PPP3CC: variants seen among roughly 807,000 people sequenced by gnomAD.
PPP3CC encodes serine/threonine-protein phosphatase 2B catalytic subunit gamma isoform.
In PPP3CC, 35 loss-of-function variants were observed where a neutral mutation model predicts 60.3. The observed-to-expected ratio is 0.58, with a 90% CI of 0.44 to 0.77. The LOEUF is 0.77. Among genes scored for constraint, PPP3CC ranks in the 30% least tolerant of loss-of-function variants. PPP3CC has a pLI of 0.00. For synonymous variants in PPP3CC, 206 were observed against 224.3 expected, an observed-to-expected ratio of 0.92 and a Z score of 0.73; for missense variants, 570 against 628.9, an observed-to-expected ratio of 0.91 and a Z score of 1.00.
At chr8:22,492,431 A>G (rs948923573) in intron 3 of PPP3CC, among the ~76,000 whole-genome samples, 1 of 152,112 alleles carries the variant, frequency 6.6e-6, no homozygotes, top group African/African-American at 2.4e-5. Flanking sequence ...ATTAAAAAGT[A>G]TTTTTCCTTC....
At position 22,531,291 on chromosome 8, in the gene PPP3CC, T is replaced by G. The variant is rs569063996; in HGVS notation, c.1142-934T>G. On this transcript the variant is annotated intron_variant, in intron 10 of 13. Coordinates refer to ENST00000240139, the MANE Select transcript of PPP3CC (RefSeq NM_005605.5). ...CATCTCCTTGTTTCTTGGTGTTTCT[T>G]CTCCCTGAAGATCACTACATTCCAA... 18 of 1,530,362 alleles carry G rather than the reference T, an allele frequency of 1.2e-5. No homozygotes were observed. The African/African-American group carries it at 1.4e-4, about 12-fold the overall frequency. 94.8% of individuals were successfully genotyped at this position (1,530,362 alleles called of 1,614,324 possible).
intron 1 of PPP3CC, among the ~76,000 whole-genome samples, chr8:22,458,734 T>C (rs930647925): frequency 6.6e-6 from 1 of 152,106 alleles, no homozygotes; most frequent in African/African-American, 2.4e-5. Context: ...AATGTTTTGT[T>C]TTTCAGTTGG....
chr8:22,539,635 C>A, intron 13 of PPP3CC, 137 bp downstream of exon 13: 2 of 858,562 alleles, frequency 2.3e-6, no homozygotes, highest in Non-Finnish European at 3.5e-6. Context: ...TGTTTCTAGG[C>A]ATGTTAACGA....
chr8:22,493,574 G>GAC (rs144718095), intron 3 of PPP3CC, among the ~76,000 whole-genome samples: 4 of 151,444 alleles, frequency 2.6e-5, no homozygotes, highest in East Asian at 1.9e-4. Context: ...TAAGAATGAA[G>GAC]ACACACACAC....
intron 6 of PPP3CC, among the ~76,000 whole-genome samples, chr8:22,521,636 C>T (rs776294026): frequency 1.3e-5 from 2 of 152,084 alleles, no homozygotes; most frequent in Non-Finnish European, 1.5e-5. Context: ...ATCTTGCTTA[C>T]GTCACCTACA....
At chr8:22,492,969 G>A in intron 3 of PPP3CC, 2 of 1,267,448 alleles carry the variant, frequency 1.6e-6, no homozygotes, top group South Asian at 2.4e-5. Context: ...GAGACTGGCT[G>A]AAGCTCTGCC....
intron 1 of PPP3CC, among the ~76,000 whole-genome samples, chr8:22,449,103 C>A (rs1183376756): frequency 2.0e-5 from 3 of 151,860 alleles, no homozygotes; most frequent in African/African-American, 7.3e-5. Context: ...ACAGTGAGCA[C>A]CCATCTCTAT....
chr8:22,492,566 C>T, intron 3 of PPP3CC: 1 of 419,064 alleles, frequency 2.4e-6, no homozygotes, highest in East Asian at 4.5e-5. Context: ...CCCGAGACCC[C>T]CAAGCACCAA....
intron 4 of PPP3CC, among the ~76,000 whole-genome samples, chr8:22,506,190 A>G (rs2117077844): frequency 6.6e-6 from 1 of 152,090 alleles, no homozygotes; most frequent in East Asian, 1.9e-4. Flanking sequence ...AATCACAGCT[A>G]CTTGGGAGGC....
At chr8:22,505,033 T>TC (rs1470443379) in intron 4 of PPP3CC, among the ~76,000 whole-genome samples, 1 of 148,226 alleles carries the variant, frequency 6.7e-6, no homozygotes, top group Non-Finnish European at 1.5e-5. Flanking sequence ...TATTTTTTTT[T>TC]TTTTTTTTTT....
At chr8:22,457,946 C>T (rs1336670551) in intron 1 of PPP3CC, among the ~76,000 whole-genome samples, 1 of 151,954 alleles carries the variant, frequency 6.6e-6, no homozygotes, top group East Asian at 2.0e-4. Context: ...ACAAAATTAG[C>T]CAGGCGTGGT....
At chr8:22,456,467 A>G (rs752094623) in intron 1 of PPP3CC, among the ~76,000 whole-genome samples, 3 of 152,142 alleles carry the variant, frequency 2.0e-5, no homozygotes, top group Non-Finnish European at 2.9e-5. Context: ...AAGAAATGTA[A>G]AGGGAGGTCC....
At chr8:22,480,287 A>G (rs921861887) in intron 3 of PPP3CC, among the ~76,000 whole-genome samples, 12 of 152,186 alleles carry the variant, frequency 7.9e-5, no homozygotes, top group Admixed American at 1.3e-4. Context: ...GAGTTATACA[A>G]TTTTTGAAAC....
intron 8 of PPP3CC, among the ~76,000 whole-genome samples, chr8:22,525,350 T>C (rs1438666377): frequency 6.6e-6 from 1 of 152,096 alleles, no homozygotes; most frequent in Admixed American, 6.5e-5. Flanking sequence ...ACAAGTGCCT[T>C]CTTTTCTGAA....
intron 1 of PPP3CC, among the ~76,000 whole-genome samples, chr8:22,471,125 GT>G (rs1045694581): frequency 1.2e-4 from 18 of 152,144 alleles, no homozygotes; most frequent in African/African-American, 4.3e-4. Context: ...TAACTTTATG[GT>G]TTCAAATTTC....
At chr8:22,522,355 T>A in intron 6 of PPP3CC, 136 bp from the exon 7 acceptor site, 1 of 634,202 alleles carries the variant, frequency 1.6e-6, no homozygotes, top group East Asian at 2.7e-5. Context: ...ACTAAGCTAT[T>A]CATAAAATTT....
intron 1 of PPP3CC, among the ~76,000 whole-genome samples, chr8:22,471,842 C>T (rs1336764599): frequency 6.6e-6 from 1 of 152,038 alleles, no homozygotes; most frequent in African/African-American, 2.4e-5. Context: ...ACAAATTTTT[C>T]TTGGCTGGGC....
intron 8 of PPP3CC, 21 bp downstream of exon 8, chr8:22,522,770 T>A (rs1217012258): frequency 2.0e-6 from 3 of 1,513,562 alleles, no homozygotes; most frequent in Admixed American, 1.7e-5. Context: ...CCAGCAATAT[T>A]TGAGTTTGAA....
chr8:22,472,115 C>T (rs941837789), intron 1 of PPP3CC, among the ~76,000 whole-genome samples: 30 of 151,824 alleles, frequency 2.0e-4, no homozygotes, highest in African/African-American at 6.8e-4. Flanking sequence ...GGCAATAAAG[C>T]GAGATCCTAT....
Sources: gnomAD v4.1 joint callset for allele counts (sites outside exome capture counted in the v4.1 genomes callset) on GRCh38, gnomAD v4.1.1 for gene constraint, MANE v1.5 for transcripts, NCBI Gene and HGNC (gene_info 2026-07-23, HGNC 2026-07-21) for gene names.